CRACDL: variants seen among roughly 807,000 people sequenced by gnomAD.
CRACDL encodes CRACD-like protein.
CRACDL carries 26 observed loss-of-function variants against 70.6 expected under a neutral mutation model. The observed-to-expected ratio is 0.37, with a 90% CI of 0.27 to 0.51. The LOEUF (loss-of-function observed/expected upper bound fraction) is 0.51, where lower values mean the gene tolerates loss of function less well. Ranked by LOEUF, CRACDL falls within the 20% of genes least tolerant of loss-of-function variation. The pLI, the probability that CRACDL is intolerant of heterozygous loss-of-function variation, is 0.94. For synonymous variants in CRACDL, 618 were observed against 615.2 expected (o/e 1.00, Z -0.07); for missense variants, 1,283 against 1,376.9 (o/e 0.93, Z 1.08).
intron 1 of CRACDL, among the ~76,000 whole-genome samples, chr2:98,893,109 A>C (rs1708020829): frequency 6.6e-6 from 1 of 152,184 alleles, no homozygotes; most frequent in African/African-American, 2.4e-5. Context: ...GCACAGCAGC[A>C]GGGAGCGGGG....
chr2:98,893,142 T>C (rs10172158), intron 1 of CRACDL, among the ~76,000 whole-genome samples: 79,386 of 151,918 alleles, frequency 0.52, 22,363 homozygotes, highest in African/African-American at 0.73. Flanking sequence ...AATGGGCTCC[T>C]TGCACCATTC....
chr2:98,827,306 C>CTT, intron 5 of CRACDL, 137 bp from the exon 6 acceptor site: 1 of 624,226 alleles, frequency 1.6e-6, no homozygotes, highest in Non-Finnish European at 2.8e-6. Context: ...GAAATACTTT[C>CTT]TTTTTTTTTC....
At chr2:98,894,435 C>T (rs1310654601) in intron 1 of CRACDL, among the ~76,000 whole-genome samples, 1 of 152,160 alleles carries the variant, frequency 6.6e-6, no homozygotes, top group African/African-American at 2.4e-5. Context: ...ATAAAATAGC[C>T]GGAGATGTGA....
At chr2:98,842,131 C>T (rs996159474) in intron 2 of CRACDL, among the ~76,000 whole-genome samples, 2 of 151,962 alleles carry the variant, frequency 1.3e-5, no homozygotes, top group African/African-American at 2.4e-5. Context: ...TCTCTCCTCC[C>T]GAGACTGTGC....
chr2:98,922,116 C>G (rs1708817909), intron 1 of CRACDL, among the ~76,000 whole-genome samples: 1 of 152,060 alleles, frequency 6.6e-6, no homozygotes, highest in African/African-American at 2.4e-5. Context: ...GAAGGCATCA[C>G]AGCTCAGTGT....
In CRACDL at chr2:98,869,290, G is replaced by A. The variant is rs868480174; in HGVS notation, c.-10-22480C>T. ...AGAAGTACCCGTGCGCCAGGAGGAA[G>A]TGGGGCTTCTGCCAAGCCCAGCCCT... is the stretch of plus-strand genomic sequence containing the variant. On this transcript the variant is annotated intron_variant, in intron 1 of 9. Transcript: ENST00000397899. 4.1e-6 allele frequency: 5 copies of A among 1,218,150 alleles called. No individual in the cohort carries two copies. In the Middle Eastern group the frequency reaches 1.2e-3, roughly 284 times the overall value. The allele number at this position is 1,218,150 out of a possible 1,614,324, so 75.5% of individuals were successfully genotyped here. A position where few individuals can be genotyped will look rare whatever the true frequency, so the allele number is the denominator to read the frequency against.
At chr2:98,927,643 A>G (rs374320985) in intron 1 of CRACDL, among the ~76,000 whole-genome samples, 104 of 152,254 alleles carry the variant, frequency 6.8e-4, no homozygotes, top group African/African-American at 2.3e-3. Flanking sequence ...AAATACAAAA[A>G]CTCATGATGC....
chr2:98,799,253 G>T (rs113191297), intron 7 of CRACDL, among the ~76,000 whole-genome samples: 3,374 of 152,268 alleles, frequency 0.022, 135 homozygotes, highest in African/African-American at 0.077. Context: ...GCTCTGGTGT[G>T]CAGAGGATAT....
intron 1 of CRACDL, among the ~76,000 whole-genome samples, chr2:98,867,245 C>G (rs572509890): frequency 6.6e-6 from 1 of 152,244 alleles, no homozygotes; most frequent in South Asian, 2.1e-4. Context: ...TAGAAACTAC[C>G]TACATAACAG....
chr2:98,912,480 C>T (rs948864941), intron 1 of CRACDL, among the ~76,000 whole-genome samples: 2 of 152,250 alleles, frequency 1.3e-5, no homozygotes, highest in African/African-American at 4.8e-5. Context: ...GGGGTCACAC[C>T]AGCTGCGGCT....
At chr2:98,838,509 G>T (rs1705891569) in intron 2 of CRACDL, among the ~76,000 whole-genome samples, 1 of 152,032 alleles carries the variant, frequency 6.6e-6, no homozygotes, top group Non-Finnish European at 1.5e-5. Flanking sequence ...TTAAATAAAA[G>T]ACACAAGAAC....
At chr2:98,849,284 C>T (rs1214753543) in intron 1 of CRACDL, among the ~76,000 whole-genome samples, 1 of 152,196 alleles carries the variant, frequency 6.6e-6, no homozygotes, top group Admixed American at 6.5e-5. Flanking sequence ...TGTCAGCTAA[C>T]TGGGAAAGGA....
chr2:98,878,798 G>A (rs759951878), intron 1 of CRACDL, among the ~76,000 whole-genome samples: 45 of 152,204 alleles, frequency 3.0e-4, no homozygotes, highest in African/African-American at 1.0e-3. Flanking sequence ...CCAGCATCAC[G>A]AGAGAAGTAC....
chr2:98,803,434 G>A (rs1432476205), intron 7 of CRACDL, among the ~76,000 whole-genome samples: 5 of 152,078 alleles, frequency 3.3e-5, no homozygotes, highest in South Asian at 2.1e-4. Context: ...CACTGCACCC[G>A]GCCTGATGCA....
At chr2:98,842,309 T>A (rs1706063820) in intron 2 of CRACDL, among the ~76,000 whole-genome samples, 1 of 151,734 alleles carries the variant, frequency 6.6e-6, no homozygotes, top group South Asian at 2.1e-4. Flanking sequence ...TTACATTTAT[T>A]TTACATAAAT....
At chr2:98,919,829 T>A (rs1708757091) in intron 1 of CRACDL, among the ~76,000 whole-genome samples, 1 of 152,246 alleles carries the variant, frequency 6.6e-6, no homozygotes, top group Non-Finnish European at 1.5e-5. Flanking sequence ...CACAGCTCAC[T>A]GCAGCCTTGA....
At chr2:98,841,239 T>C (rs72811079) in intron 2 of CRACDL, among the ~76,000 whole-genome samples, 5,585 of 152,234 alleles carry the variant, frequency 0.037, 135 homozygotes, top group Middle Eastern at 0.065. Flanking sequence ...TCTTTAACTC[T>C]TAACTGGAAC....
chr2:98,906,506 C>G (rs1708418605), intron 1 of CRACDL, among the ~76,000 whole-genome samples: 1 of 151,508 alleles, frequency 6.6e-6, no homozygotes, highest in African/African-American at 2.4e-5. Context: ...AGGTGATCCG[C>G]CTGCCTCGGC....
At chr2:98,913,459 A>G (rs934512958) in intron 1 of CRACDL, among the ~76,000 whole-genome samples, 1 of 152,122 alleles carries the variant, frequency 6.6e-6, no homozygotes, top group African/African-American at 2.4e-5. Flanking sequence ...TGCTTGGGGA[A>G]CAGGGAGTAC....
Sources: allele counts gnomAD v4.1 joint callset (sites outside exome capture counted in the v4.1 genomes callset), GRCh38; gene constraint gnomAD v4.1.1; transcripts MANE v1.5; gene names NCBI Gene and HGNC (gene_info 2026-07-23, HGNC 2026-07-21).